The following HPSE2 variants were observed in gnomAD, a reference collection of about 807,000 sequenced individuals.
HPSE2 encodes heparanase 2 (inactive).
HPSE2 carries 38 observed loss-of-function variants against 60.5 expected under a neutral mutation model. The ratio of observed to expected loss-of-function variants is 0.63; its 90% CI spans 0.48 to 0.82. The LOEUF is 0.82. Ranked by LOEUF, HPSE2 falls within the 40% of genes least tolerant of loss-of-function variation. The pLI is 0.00. For missense variants in HPSE2, 713 were observed against 740.4 expected, an observed-to-expected ratio of 0.96 and a Z score of 0.43; for synonymous variants, 295 against 293.2, an observed-to-expected ratio of 1.01 and a Z score of -0.06.
the HPSE2 span, among the ~76,000 whole-genome samples, chr10:99,299,868 G>A: frequency 6.6e-6 from 1 of 152,086 alleles, no homozygotes; most frequent in Admixed American, 6.5e-5. Context: ...AGACTCCCCA[G>A]AAGAGTGAGC....
intron 9 of HPSE2, among the ~76,000 whole-genome samples, chr10:98,536,805 G>T (rs534247066): frequency 6.6e-6 from 1 of 152,142 alleles, no homozygotes; most frequent in African/African-American, 2.4e-5. Context: ...GAATGTAAGA[G>T]AGTTTACTCA....
At position 98,459,345 on chromosome 10, in the gene HPSE2, A is replaced by C. The variant is rs1427072002; in HGVS notation, c.*229T>G. On this transcript the variant is annotated 3_prime_UTR_variant, in exon 12 of 12. Coordinates refer to ENST00000370552, the MANE Select transcript of HPSE2 (RefSeq NM_021828.5). ...GCTCTATACACATGCCTTTATCCTT[A>C]TATAGGTACAGGTGATGTCTACATT... 1 of 598,042 alleles carries C rather than the reference A, an allele frequency of 1.7e-6. No individual in the cohort carries two copies. The highest frequency in any genetic ancestry group is 1.8e-5 in the African/African-American group (1 of 54,114). 37.0% of individuals were successfully genotyped at this position (598,042 alleles called of 1,614,324 possible).
chr10:98,835,526 G>A (rs969786764), intron 3 of HPSE2, among the ~76,000 whole-genome samples: 2 of 151,984 alleles, frequency 1.3e-5, no homozygotes, highest in African/African-American at 4.8e-5. Context: ...GACTCAAGGT[G>A]ATTTAAAAAA....
At chr10:99,024,014 A>G (rs1033689553) in intron 3 of HPSE2, among the ~76,000 whole-genome samples, 2 of 152,254 alleles carry the variant, frequency 1.3e-5, no homozygotes, top group South Asian at 4.1e-4. Context: ...CTGCTGACCA[A>G]TTCTGGAGAA....
At chr10:99,200,320 T>G (rs1415585490) in intron 2 of HPSE2, among the ~76,000 whole-genome samples, 1 of 152,136 alleles carries the variant, frequency 6.6e-6, no homozygotes, top group East Asian at 1.9e-4. Flanking sequence ...ATTTTATAAG[T>G]AACTCTTTGT....
chr10:98,611,672 T>C (rs1311962371), intron 9 of HPSE2, among the ~76,000 whole-genome samples: 3 of 152,230 alleles, frequency 2.0e-5, no homozygotes, highest in Non-Finnish European at 4.4e-5. Context: ...ATTGGTGTTC[T>C]GGTCTAGCCT....
At chr10:99,277,964 G>A in the HPSE2 span, among the ~76,000 whole-genome samples, 1 of 151,960 alleles carries the variant, frequency 6.6e-6, no homozygotes, top group African/African-American at 2.4e-5. Flanking sequence ...TGGCGTGGTG[G>A]TGCGCACCTG....
chr10:98,797,181 T>C (rs985776273), intron 3 of HPSE2, among the ~76,000 whole-genome samples: 7 of 152,146 alleles, frequency 4.6e-5, no homozygotes, highest in East Asian at 1.9e-4. Context: ...AACAGATATA[T>C]GACCTTCCAG....
intron 3 of HPSE2, among the ~76,000 whole-genome samples, chr10:99,066,530 G>C (rs1842623638): frequency 6.6e-6 from 1 of 152,172 alleles, no homozygotes; most frequent in East Asian, 1.9e-4. Flanking sequence ...ATGGCAGAAG[G>C]CAAATGAGGA....
intron 9 of HPSE2, among the ~76,000 whole-genome samples, chr10:98,518,780 G>A (rs867442306): frequency 1.1e-4 from 17 of 151,980 alleles, no homozygotes; most frequent in African/African-American, 3.6e-4. Context: ...AAGATAATGC[G>A]TGCAAAGAGA....
At chr10:99,158,684 CATGT>C (rs1846690918) in intron 2 of HPSE2, among the ~76,000 whole-genome samples, 1 of 146,764 alleles carries the variant, frequency 6.8e-6, no homozygotes, top group Non-Finnish European at 1.5e-5. Context: ...CAGCATGGCA[CATGT>C]ATACATATGT....
At chr10:98,743,315 G>A (rs7910273) in intron 4 of HPSE2, among the ~76,000 whole-genome samples, 1 of 152,008 alleles carries the variant, frequency 6.6e-6, no homozygotes, top group Non-Finnish European at 1.5e-5. Context: ...GACTGCACAG[G>A]CTGCACACCC....
chr10:98,965,254 T>C (rs1367725497), intron 3 of HPSE2, among the ~76,000 whole-genome samples: 1 of 152,140 alleles, frequency 6.6e-6, no homozygotes, highest in Non-Finnish European at 1.5e-5. Context: ...AACATTCTTA[T>C]TTGGGGATTA....
At chr10:98,508,534 A>C (rs1056986822) in intron 9 of HPSE2, among the ~76,000 whole-genome samples, 3 of 152,182 alleles carry the variant, frequency 2.0e-5, no homozygotes, top group Admixed American at 1.3e-4. Context: ...GAAGTTTCTA[A>C]CCTAGCAAGA....
At chr10:98,568,408 C>T (rs1316617618) in intron 9 of HPSE2, among the ~76,000 whole-genome samples, 3 of 152,132 alleles carry the variant, frequency 2.0e-5, no homozygotes, top group African/African-American at 7.2e-5. Flanking sequence ...GTCCCTAGGT[C>T]AGGGACTGGC....
chr10:98,691,136 T>C (rs1948067520), intron 6 of HPSE2, among the ~76,000 whole-genome samples: 1 of 152,218 alleles, frequency 6.6e-6, no homozygotes, highest in Non-Finnish European at 1.5e-5. Flanking sequence ...TTGGCTTTAA[T>C]TTTCATGAAG....
chr10:98,796,979 A>G (rs541173765), intron 3 of HPSE2, among the ~76,000 whole-genome samples: 1 of 152,364 alleles, frequency 6.6e-6, no homozygotes, highest in South Asian at 2.1e-4. Context: ...TTGGAGCCCA[A>G]GTCCCTTTGA....
chr10:98,652,418 T>C (rs1946942879), intron 6 of HPSE2, among the ~76,000 whole-genome samples: 1 of 152,320 alleles, frequency 6.6e-6, no homozygotes, highest in African/African-American at 2.4e-5. Context: ...ATATACCCTT[T>C]CAGCCATCTG....
At chr10:98,544,597 C>T (rs372415683) in intron 9 of HPSE2, among the ~76,000 whole-genome samples, 5,558 of 151,176 alleles carry the variant, frequency 0.037, 117 homozygotes, top group South Asian at 0.082. Context: ...CCTGTAGTCC[C>T]AGCTACGCGG....
Sources: gnomAD v4.1 joint callset for allele counts (sites outside exome capture counted in the v4.1 genomes callset) on GRCh38, gnomAD v4.1.1 for gene constraint, MANE v1.5 for transcripts, NCBI Gene and HGNC (gene_info 2026-07-23, HGNC 2026-07-21) for gene names.